The following MYO1H variants were observed in gnomAD, a reference collection of about 807,000 sequenced individuals.
The protein encoded by MYO1H is unconventional myosin-Ih.
A neutral mutation model predicts 149.3 loss-of-function variants in MYO1H; 118 were observed. The observed-to-expected ratio is 0.79, with a 90% confidence interval of 0.68 to 0.92. MYO1H has a LOEUF of 0.92. Among genes scored for constraint, MYO1H ranks in the 40% least tolerant of loss-of-function variants. The pLI is 0.00. For missense variants in MYO1H, 1,212 were observed against 1,280.7 expected (o/e 0.95, Z 0.82); for synonymous variants, 447 against 465.2 (o/e 0.96, Z 0.50).
At position 109,352,584 on chromosome 12, in the gene MYO1H, G is replaced by GA. The variant is rs376558286; in HGVS notation, c.12+4613dup. ...TGAGCCTTTTAGCATAGATCTAACA[G>GA]ATTATTTTTCTCCCCGACATGTATG... On this transcript the variant is annotated intron_variant, in intron 1 of 31. Coordinates refer to ENST00000310903, the Ensembl canonical transcript of MYO1H. 9.4e-3 allele frequency among the ~76,000 whole-genome samples: 1,427 copies of GA among 152,244 alleles called. 19 individuals are homozygous for GA. Among genetic ancestry groups the GA allele is most frequent in the African/African-American group, 0.032 (1,340 of 41,524 alleles).
intron 14 of MYO1H, among the ~76,000 whole-genome samples, chr12:109,413,286 T>A (rs1374248693): frequency 6.6e-6 from 1 of 152,092 alleles, no homozygotes; most frequent in Non-Finnish European, 1.5e-5. Flanking sequence ...CAAGACCAAA[T>A]GAATGCTCCT....
At chr12:109,343,528 T>C (rs1055994111), upstream of MYO1H, among the ~76,000 whole-genome samples, 2 of 152,212 alleles carry the variant, frequency 1.3e-5, no homozygotes, top group Non-Finnish European at 2.9e-5. Context: ...TGTTTTATTA[T>C]TATTTGTAAA....
intron 1 of MYO1H, among the ~76,000 whole-genome samples, chr12:109,354,694 C>T (rs922122796): frequency 2.6e-5 from 4 of 152,006 alleles, no homozygotes; most frequent in African/African-American, 9.6e-5. Context: ...GGATAAGTGC[C>T]CAAGATGTCT....
the MYO1H span, among the ~76,000 whole-genome samples, chr12:109,320,455 CAA>C: frequency 1.6e-4 from 10 of 63,338 alleles, no homozygotes; most frequent in South Asian, 8.1e-4. Context: ...ATTAAAAATA[CAA>C]AAAAAAAAAA....
At chr12:109,374,462 T>C (rs1382343756) in intron 1 of MYO1H, among the ~76,000 whole-genome samples, 2 of 152,252 alleles carry the variant, frequency 1.3e-5, no homozygotes, top group Non-Finnish European at 2.9e-5. Context: ...CTGTAAGTTC[T>C]ATATAATTGT....
At chr12:109,400,697 T>G (rs1213374261) in intron 5 of MYO1H, among the ~76,000 whole-genome samples, 2 of 152,150 alleles carry the variant, frequency 1.3e-5, no homozygotes, top group Non-Finnish European at 2.9e-5. Flanking sequence ...GTCAGCTGAT[T>G]TACAACGAAA....
chr12:109,443,042 G>GTGTGTGTGTATACACATA lies in MYO1H; in HGVS notation c.2689-467_2689-466insGTGTATACACATATGTGT, dbSNP rs1276021967. Among the ~76,000 whole-genome samples the GTGTGTGTGTATACACATA allele has an allele frequency of 6.3e-4, 58 of 91,922 alleles. 2 individuals carry two copies. The highest frequency in any genetic ancestry group is 4.1e-3 in the East Asian group (13 of 3,196). 60.3% of individuals were successfully genotyped at this position (91,922 alleles called of 152,430 possible). On this transcript the variant is annotated intron_variant, in intron 27 of 31. Coordinates refer to ENST00000310903, the Ensembl canonical transcript of MYO1H. ...TATATATATATATGTGTGTGTGTGT[G>GTGTGTGTGTATACACATA]TGTGTATATATGTGTACGTATGTGT... is the stretch of plus-strand genomic sequence containing the variant.
At chr12:109,373,555 T>C (rs1335195464) in intron 1 of MYO1H, among the ~76,000 whole-genome samples, 1 of 152,198 alleles carries the variant, frequency 6.6e-6, no homozygotes, top group South Asian at 2.1e-4. Context: ...TTTTCTGATA[T>C]AACATTCCTG....
chr12:109,444,347 G>A (rs1027011647), intron 29 of MYO1H, 64 bp downstream of exon 29: 2 of 1,572,020 alleles, frequency 1.3e-6, no homozygotes, highest in Non-Finnish European at 1.8e-6. Context: ...ATGTTAAGTT[G>A]ACCACCGTGA....
chr12:109,421,200 TCAA>T (rs1324647743), intron 16 of MYO1H, among the ~76,000 whole-genome samples, 173 bp downstream of exon 16: 2 of 146,266 alleles, frequency 1.4e-5, no homozygotes, highest in African/African-American at 5.2e-5. Context: ...GACACTTCAC[TCAA>T]CAAACCATTC....
the MYO1H span, among the ~76,000 whole-genome samples, chr12:109,314,547 G>T: frequency 2.6e-5 from 4 of 152,130 alleles, no homozygotes; most frequent in Non-Finnish European, 4.4e-5. Context: ...TGATGGCTCC[G>T]CTGTGAGGCA....
intron 1 of MYO1H, among the ~76,000 whole-genome samples, chr12:109,361,076 A>G (rs566152851): frequency 3.3e-5 from 5 of 152,348 alleles, no homozygotes; most frequent in Non-Finnish European, 5.9e-5. Context: ...GTGAAAAATC[A>G]AAGTGTGGCC....
At chr12:109,421,777 A>T (rs576098460) in intron 16 of MYO1H, among the ~76,000 whole-genome samples, 1 of 152,186 alleles carries the variant, frequency 6.6e-6, no homozygotes, top group African/African-American at 2.4e-5. Context: ...GGAATTCCCA[A>T]TCTCTTTGCC....
In MYO1H at chr12:109,406,128, T is replaced by C. The variant is rs1870374285; in HGVS notation, c.963+93T>C. The C allele has an allele frequency of 7.4e-6, 6 of 807,482 alleles. No homozygotes were observed. The East Asian group carries it at 7.8e-5, about 10-fold the overall frequency. The allele number at this position is 807,482 out of a possible 1,614,324, so 50.0% of individuals were successfully genotyped here. ...GTGCCCACAGTTAGGCCCAAATATCTGGTGCCGTGCTGTTTTGGCTGATAT... is the reference window on the plus strand; with the variant it reads ...GTGCCCACAGTTAGGCCCAAATATCCGGTGCCGTGCTGTTTTGGCTGATAT... On this transcript the variant is annotated intron_variant, in intron 8 of 31. Coordinates refer to ENST00000310903, the Ensembl canonical transcript of MYO1H.
chr12:109,356,383 GTTTTTGTTTTT>G (rs912931452), intron 1 of MYO1H, among the ~76,000 whole-genome samples: 8 of 115,340 alleles, frequency 6.9e-5, no homozygotes, highest in African/African-American at 2.9e-4. Flanking sequence ...CTTTCTGTTT[GTTTTTGTTTTT>G]TTTTTGTTTT....
chr12:109,342,293 C>T, the MYO1H span, among the ~76,000 whole-genome samples: 13 of 151,662 alleles, frequency 8.6e-5, no homozygotes, highest in African/African-American at 1.7e-4. Context: ...TACAGGCATG[C>T]GCCACCACGC....
chr12:109,335,841 G>A, the MYO1H span, among the ~76,000 whole-genome samples: 1 of 152,042 alleles, frequency 6.6e-6, no homozygotes, highest in Non-Finnish European at 1.5e-5. Context: ...CCCATTTTCT[G>A]TTAATAAATC....
chr12:109,407,777 C>T lies in MYO1H; in HGVS notation c.1036-17C>T, dbSNP rs749178931. The T allele has an allele frequency of 1.9e-6, 3 of 1,612,048 alleles. No homozygotes were observed. Among genetic ancestry groups the T allele is most frequent in the Non-Finnish European group, 2.5e-6 (3 of 1,178,846 alleles). Reference sequence around the variant, plus strand: ...CTTTTTTCCACCTATAATGATGCACCTTGTCATTCTTTTCAGGTGATCTGC... The same window carrying T: ...CTTTTTTCCACCTATAATGATGCACTTTGTCATTCTTTTCAGGTGATCTGC... On this transcript the variant is annotated splice_polypyrimidine_tract_variant and intron_variant, in intron 9 of 31. Coordinates refer to ENST00000310903, the Ensembl canonical transcript of MYO1H.
upstream of MYO1H, among the ~76,000 whole-genome samples, chr12:109,343,660 A>G (rs1241318229): frequency 6.6e-6 from 1 of 152,202 alleles, no homozygotes; most frequent in East Asian, 1.9e-4. Context: ...AAAAGCAAGG[A>G]CTAAGTGTGT....
Sources: allele counts gnomAD v4.1 joint callset (sites outside exome capture counted in the v4.1 genomes callset), GRCh38; gene constraint gnomAD v4.1.1; transcripts MANE v1.5; gene names NCBI Gene and HGNC (gene_info 2026-07-23, HGNC 2026-07-21).